The following TMCC3 variants were observed in gnomAD, a reference collection of about 807,000 sequenced individuals.
TMCC3 encodes transmembrane and coiled-coil domain family 3.
A neutral mutation model predicts 40.2 loss-of-function variants in TMCC3; 28 were observed. The ratio of observed to expected loss-of-function variants is 0.70; its 90% confidence interval spans 0.52 to 0.95. The LOEUF (loss-of-function observed/expected upper bound fraction) is 0.95. Among genes scored for constraint, TMCC3 ranks in the 40% least tolerant of loss-of-function variants. The pLI is 0.00. For missense variants in TMCC3, 554 were observed against 615.2 expected (o/e 0.90, Z 1.05); for synonymous variants, 255 against 248.5 (o/e 1.03, Z -0.25).
chr12:94,597,165 A>ATATATATATAT (rs1491079878), intron 1 of TMCC3, among the ~76,000 whole-genome samples: 1 of 93,850 alleles, frequency 1.1e-5, no homozygotes, highest in Non-Finnish European at 2.2e-5. Flanking sequence ...ATATGTATAT[A>ATATATATATAT]AATTAGCCAG....
At chr12:94,611,024 T>A (rs561724080) in intron 1 of TMCC3, among the ~76,000 whole-genome samples, 1 of 152,190 alleles carries the variant, frequency 6.6e-6, no homozygotes, top group Non-Finnish European at 1.5e-5. Context: ...GAGACTAATA[T>A]GCAAATACCT....
At chr12:94,627,356 G>A (rs929147108) in intron 1 of TMCC3, among the ~76,000 whole-genome samples, 41 of 152,114 alleles carry the variant, frequency 2.7e-4, no homozygotes, top group African/African-American at 7.0e-4. Context: ...AGACCTGACC[G>A]CTTCTCATCA....
chr12:94,610,045 A>C (rs6538521), intron 1 of TMCC3: 54,591 of 152,048 alleles, frequency 0.36, 11,769 homozygotes, highest in African/African-American at 0.6. Context: ...TCTGCCAGCC[A>C]GGGAGAAAGG....
intron 1 of TMCC3, chr12:94,590,912 T>C (rs963758271): frequency 8.6e-6 from 5 of 584,742 alleles, no homozygotes; most frequent in Non-Finnish European, 1.7e-5. Context: ...TGAGTTTATG[T>C]GAAAATGAGA....
intron 2 of TMCC3, among the ~76,000 whole-genome samples, chr12:94,579,202 AT>A (rs2068585757): frequency 6.6e-6 from 1 of 152,152 alleles, no homozygotes; most frequent in South Asian, 2.1e-4. Flanking sequence ...ACTGAAGATT[AT>A]TTTTCTCATA....
intron 1 of TMCC3, among the ~76,000 whole-genome samples, chr12:94,620,961 G>T (rs1376578412): frequency 6.6e-6 from 1 of 151,924 alleles, no homozygotes; most frequent in Non-Finnish European, 1.5e-5. Context: ...AGTTTGTAAG[G>T]TTTTGCCCTA....
intron 1 of TMCC3, among the ~76,000 whole-genome samples, chr12:94,606,019 AAACAAACAAAAAAACAAGTATGTGT>A (rs1430075095): frequency 6.6e-6 from 1 of 152,238 alleles, no homozygotes; most frequent in African/African-American, 2.4e-5. Flanking sequence ...GAAAACAAAC[AAACAAACAAAAAAACAAGTATGTGT>A]GTAGGGGGGT....
intron 1 of TMCC3, among the ~76,000 whole-genome samples, chr12:94,589,657 C>T (rs1346148648): frequency 6.6e-6 from 1 of 151,618 alleles, no homozygotes; most frequent in African/African-American, 2.4e-5. Context: ...ACCGGCAGAG[C>T]CAGGCTGGAA....
chr12:94,609,106 T>C (rs1198636231), intron 1 of TMCC3, among the ~76,000 whole-genome samples: 1 of 151,974 alleles, frequency 6.6e-6, no homozygotes, highest in Non-Finnish European at 1.5e-5. Context: ...CATGCACCTG[T>C]AGTCTCAGCT....
At chr12:94,595,863 GA>G (rs11360831) in intron 1 of TMCC3, among the ~76,000 whole-genome samples, 96,810 of 151,058 alleles carry the variant, frequency 0.64, 32,825 homozygotes, top group African/African-American at 0.88. Context: ...TCCACTTAAA[GA>G]AAAAAAAAAT....
chr12:94,594,588 C>T (rs2068704252), intron 1 of TMCC3, among the ~76,000 whole-genome samples: 5 of 152,122 alleles, frequency 3.3e-5, no homozygotes, highest in Admixed American at 3.3e-4. Context: ...TCAGTAAAAC[C>T]TCCCCAGGAA....
chr12:94,630,094 C>T (rs1017200831), intron 1 of TMCC3, among the ~76,000 whole-genome samples: 20 of 152,092 alleles, frequency 1.3e-4, no homozygotes, highest in South Asian at 4.2e-4. Context: ...GGCAAAACCC[C>T]GTCTGTACAA....
At position 94,581,799 on chromosome 12, in the gene TMCC3, A is replaced by G. The variant is rs540317419; in HGVS notation, c.818T>C (p.Phe273Ser). Residue 273 changes from phenylalanine to serine, a missense_variant, in exon 2 of 4, where the codon TTT becomes TCT. Transcript: ENST00000261226. ...CAGTGTGCTGGCTCCACCAGCCCCA[A>G]ACGACTGGTTTCCGTTACTGTCGGC... ...GSADSNGNQSFGAGGASTLDS... is the reference protein window; with the variant it reads ...GSADSNGNQSSGAGGASTLDS... The G allele has an allele frequency of 2.5e-6, 4 of 1,613,316 alleles. No homozygotes were observed. In the African/African-American group the frequency reaches 4.0e-5, roughly 16 times the overall value.
chr12:94,622,652 C>T (rs936513240), intron 1 of TMCC3, among the ~76,000 whole-genome samples: 9 of 152,116 alleles, frequency 5.9e-5, no homozygotes, highest in Non-Finnish European at 1.0e-4. Flanking sequence ...TTCATCTGGT[C>T]GGACATTTTC....
At chr12:94,623,881 A>C (rs1166469055) in intron 1 of TMCC3, among the ~76,000 whole-genome samples, 1 of 152,244 alleles carries the variant, frequency 6.6e-6, no homozygotes, top group Non-Finnish European at 1.5e-5. Context: ...AAACCACAAC[A>C]GTTTCTCCAA....
intron 1 of TMCC3, among the ~76,000 whole-genome samples, chr12:94,597,015 C>A (rs1482728047): frequency 6.6e-6 from 1 of 151,726 alleles, no homozygotes; most frequent in Non-Finnish European, 1.5e-5. Context: ...CATGGTGGCT[C>A]ATGCCTATAA....
chr12:94,650,074 G>C (rs557346867), intron 1 of TMCC3, among the ~76,000 whole-genome samples: 9 of 152,232 alleles, frequency 5.9e-5, no homozygotes, highest in Admixed American at 2.0e-4. Context: ...GGACAGCAGA[G>C]CGCGGGCCGT....
intron 1 of TMCC3, among the ~76,000 whole-genome samples, chr12:94,605,061 G>C (rs573599573): frequency 3.9e-5 from 6 of 152,148 alleles, no homozygotes; most frequent in Non-Finnish European, 7.4e-5. Context: ...GCATGATTGA[G>C]GGCTGGGGTG....
chr12:94,599,561 C>T (rs866860374), intron 1 of TMCC3, among the ~76,000 whole-genome samples: 2 of 52,580 alleles, frequency 3.8e-5, no homozygotes, highest in Non-Finnish European at 7.6e-5. Flanking sequence ...AAGATACCCC[C>T]CCCCCCGCCC....
Sources: gnomAD v4.1 joint callset for allele counts (sites outside exome capture counted in the v4.1 genomes callset) on GRCh38, gnomAD v4.1.1 for gene constraint, MANE v1.5 for transcripts, NCBI Gene and HGNC (gene_info 2026-07-23, HGNC 2026-07-21) for gene names.